Variants in FNDC7 observed in about 807,000 individuals in gnomAD.
FNDC7 encodes fibronectin type III domain containing 7.
FNDC7 carries 66 observed loss-of-function variants against 74.2 expected under a neutral mutation model. The ratio of observed to expected loss-of-function variants is 0.89; its 90% CI spans 0.73 to 1.09. The LOEUF is 1.09. Among genes scored for constraint, FNDC7 ranks in the 50% least tolerant of loss-of-function variants. FNDC7 has a pLI of 0.00. For synonymous variants in FNDC7, 307 were observed against 330.2 expected, an observed-to-expected ratio of 0.93 and a Z score of 0.76; for missense variants, 829 against 893.4, an observed-to-expected ratio of 0.93 and a Z score of 0.92.
At chr1:108,734,470 A>C (rs2101089192) in intron 10 of FNDC7, 1 of 152,332 alleles carries the variant, frequency 6.6e-6, no homozygotes, top group East Asian at 1.9e-4. Context: ...CCTAGAAGAA[A>C]AGAGATGATG....
chr1:108,733,407 C>G lies in FNDC7; in HGVS notation c.2015C>G (p.Pro672Arg). The G allele has an allele frequency of 6.2e-7, 1 of 1,614,092 alleles. No homozygotes were observed. Among genetic ancestry groups the G allele is most frequent in the Non-Finnish European group, 8.5e-7 (1 of 1,180,028 alleles). Residue 672 changes from proline to arginine, a missense_variant, in exon 10 of 13, where the codon CCG becomes CGG. By Grantham distance (103) the Pro-to-Arg change is moderately radical. Coordinates refer to ENST00000370017, the MANE Select transcript of FNDC7 (RefSeq NM_001144937.3). ...TCCAAAGGCATTTTCACGTGCACCC[C>G]GAGTGCTGGCCTCAGTTTCTGTGAT... Reference protein sequence around the residue: ...YGSKGIFTCTPSAGLSFCDVT... With the variant: ...YGSKGIFTCTRSAGLSFCDVT...
At chr1:108,714,603 G>A (rs1047962646) in intron 2 of FNDC7, among the ~76,000 whole-genome samples, 3 of 87,328 alleles carry the variant, frequency 3.4e-5, no homozygotes, top group Admixed American at 1.9e-4. Context: ...ATACAAAGTG[G>A]CATTTTTTTT....
Position 108,715,266 on chromosome 1 carries a change from G to A in FNDC7, c.82+1737G>A, listed in dbSNP as rs116679448. On this transcript the variant is annotated intron_variant, in intron 2 of 12. Transcript: ENST00000370017. ...TGAGCTGGTGGAATGCACAGATGCT[G>A]AGAATCAAAGGGTTCATTTTTGACT... 3.6e-3 allele frequency among the ~76,000 whole-genome samples: 550 copies of A among 152,300 alleles called. 3 individuals carry two copies. Among genetic ancestry groups the A allele is most frequent in the Non-Finnish European group, 6.1e-3 (414 of 68,026 alleles).
intron 12 of FNDC7, 31 bp from the exon 13 acceptor site, chr1:108,741,894 T>A: frequency 7.7e-7 from 1 of 1,301,506 alleles, no homozygotes; most frequent in Non-Finnish European, 1.1e-6. Flanking sequence ...TTTTTGTCTT[T>A]GTTTAAAATG....
chr1:108,728,446 A>G (rs181614439), intron 7 of FNDC7, among the ~76,000 whole-genome samples, 186 bp from the exon 8 acceptor site: 16 of 152,318 alleles, frequency 1.1e-4, no homozygotes, highest in Non-Finnish European at 2.2e-4. Context: ...CCAGTACTCT[A>G]TGAACCCAAT....
Position 108,733,269 on chromosome 1 carries a change from T to C in FNDC7, c.1880-3T>C, listed in dbSNP as rs1164429365. On this transcript the variant is annotated splice_polypyrimidine_tract_variant and splice_region_variant and intron_variant, in intron 9 of 12. Coordinates refer to ENST00000370017, the MANE Select transcript of FNDC7 (RefSeq NM_001144937.3). ...TTTTGTGTTTGTTATTTTTATTGCCTAGGTGCCTGCTGCCCTTTGGGGGTG... is the reference window on the plus strand; with the variant it reads ...TTTTGTGTTTGTTATTTTTATTGCCCAGGTGCCTGCTGCCCTTTGGGGGTG... The C allele has an allele frequency of 6.2e-7, 1 of 1,603,846 alleles. No homozygotes were observed. The highest frequency in any genetic ancestry group is 8.5e-7 in the Non-Finnish European group (1 of 1,171,302).
At chr1:108,715,610 C>T (rs970805562) in intron 2 of FNDC7, among the ~76,000 whole-genome samples, 2 of 152,124 alleles carry the variant, frequency 1.3e-5, no homozygotes, top group African/African-American at 2.4e-5. Flanking sequence ...CTGGCTTTTC[C>T]GAACCCATCA....
chr1:108,736,143 C>A (rs923834776), intron 10 of FNDC7, among the ~76,000 whole-genome samples: 1 of 152,180 alleles, frequency 6.6e-6, no homozygotes, highest in Non-Finnish European at 1.5e-5. Context: ...CCACAACATC[C>A]GTCCTGAGAG....
chr1:108,724,910 G>A (rs1485243388), intron 5 of FNDC7, among the ~76,000 whole-genome samples: 1 of 151,736 alleles, frequency 6.6e-6, no homozygotes, highest in Admixed American at 6.6e-5. Flanking sequence ...GTGAAACTTT[G>A]TCTCTACTAA....
At chr1:108,737,600 CT>C in intron 11 of FNDC7, 76 bp downstream of exon 11, 1 of 1,177,422 alleles carries the variant, frequency 8.5e-7, no homozygotes, top group South Asian at 1.4e-5. Flanking sequence ...AGTCAGCTGA[CT>C]TTTCAATTAG....
At chr1:108,717,667 C>G (rs1661002333) in intron 2 of FNDC7, 110 bp from the exon 3 acceptor site, 1 of 1,192,100 alleles carries the variant, frequency 8.4e-7, no homozygotes, top group Non-Finnish European at 1.2e-6. Context: ...AAGGGCAAAA[C>G]TTCTGTCTGA....
At chr1:108,714,924 A>G (rs1365369453) in intron 2 of FNDC7, among the ~76,000 whole-genome samples, 3 of 152,114 alleles carry the variant, frequency 2.0e-5, no homozygotes, top group Non-Finnish European at 4.4e-5. Context: ...TTGGGTGGAC[A>G]GAATCTAACT....
At chr1:108,732,414 A>G (rs1661408765) in intron 9 of FNDC7, among the ~76,000 whole-genome samples, 1 of 151,824 alleles carries the variant, frequency 6.6e-6, no homozygotes, top group Admixed American at 6.6e-5. Context: ...GGTCACTGGC[A>G]TGTTGTATAA....
Position 108,733,486 on chromosome 1 carries a change from T to A in FNDC7, c.2094T>A (p.Ala698=), listed in dbSNP as rs1661442832. The change falls in exon 10 of 13, where the codon GCT becomes GCA. Residue 698 remains alanine (A), a synonymous_variant. Coordinates refer to ENST00000370017, the MANE Select transcript of FNDC7 (RefSeq NM_001144937.3). ...DVYTVMVSPV[A]KTGLKLTFCP... ...ACACTGTGATGGTCTCACCAGTTGC[T>A]AAAACAGGATTGAAGCTTACTTTCT... The A allele has an allele frequency of 1.2e-6, 2 of 1,613,992 alleles. No individual in the cohort carries two copies. The highest frequency in any genetic ancestry group is 2.7e-5 in the African/African-American group (2 of 74,918).
chr1:108,725,115 A>T (rs532842436), intron 5 of FNDC7, among the ~76,000 whole-genome samples: 2 of 151,936 alleles, frequency 1.3e-5, no homozygotes, highest in Non-Finnish European at 2.9e-5. Context: ...AAATAAATTT[A>T]AAAAAATAGT....
chr1:108,732,935 A>AT (rs370493264), intron 9 of FNDC7, among the ~76,000 whole-genome samples: 5,537 of 134,874 alleles, frequency 0.041, 228 homozygotes, highest in African/African-American at 0.1. Context: ...CAACTGGCTA[A>AT]TTTTTTTTTT....
Position 108,722,467 on chromosome 1 carries a change from G to T in FNDC7, c.731G>T (p.Cys244Phe), listed in dbSNP as rs1447348382. ...TTGAGCGACTCTTCAGAGCTGACCT[G>T]CAGTACAACTTTCAGTTCCTGCACC... ...MALSDSSELT[C>F]STTFSSCTIS... The change falls in exon 5 of 13, where the codon TGC (cysteine) becomes TTC (phenylalanine). Residue 244 changes from cysteine (C) to phenylalanine (F), a missense_variant. Physicochemically the swap from Cys to Phe is radical, Grantham distance 205. Coordinates refer to ENST00000370017, the MANE Select transcript of FNDC7 (RefSeq NM_001144937.3). 6.2e-7 allele frequency: 1 copy of T among 1,614,098 alleles called. No homozygotes were observed. Among genetic ancestry groups the T allele is most frequent in the African/African-American group, 1.3e-5 (1 of 74,942 alleles).
At chr1:108,713,804 T>C (rs1265475289) in intron 2 of FNDC7, among the ~76,000 whole-genome samples, 1 of 152,234 alleles carries the variant, frequency 6.6e-6, no homozygotes, top group Non-Finnish European at 1.5e-5. Flanking sequence ...CATTTTCTCA[T>C]ATACGGTTAG....
intron 11 of FNDC7, among the ~76,000 whole-genome samples, chr1:108,739,885 A>G (rs1661597724): frequency 1.3e-5 from 2 of 152,110 alleles, no homozygotes; most frequent in Non-Finnish European, 2.9e-5. Flanking sequence ...ATATTTGTAG[A>G]AATCCTGTAG....
Sources: allele counts gnomAD v4.1 joint callset (sites outside exome capture counted in the v4.1 genomes callset), GRCh38; gene constraint gnomAD v4.1.1; transcripts MANE v1.5; gene names NCBI Gene and HGNC (gene_info 2026-07-23, HGNC 2026-07-21).